The following CSMD3 variants were observed in gnomAD, a reference collection of about 807,000 sequenced individuals.
CSMD3 encodes CUB and Sushi multiple domains 3, also known as CUB and sushi domain-containing protein 3.
CSMD3 carries 177 observed loss-of-function variants against 435.2 expected under a neutral mutation model. That is an observed-to-expected ratio of 0.41 (90% CI 0.36 to 0.46). The LOEUF (loss-of-function observed/expected upper bound fraction) is 0.46. CSMD3 is among the 20% of genes least tolerant of loss of function. The probability of loss-of-function intolerance (pLI) is 0.34; values close to 1 mark genes in which losing one functional copy is unlikely to be tolerated. For missense variants in CSMD3, 4,265 were observed against 4,504.6 expected, an observed-to-expected ratio of 0.95 and a Z score of 1.52; for synonymous variants, 1,656 against 1,520.5, an observed-to-expected ratio of 1.09 and a Z score of -2.07.
intron 12 of CSMD3, among the ~76,000 whole-genome samples, chr8:112,813,250 G>T (rs2079278378): frequency 6.6e-6 from 1 of 152,166 alleles, no homozygotes; most frequent in African/African-American, 2.4e-5. Context: ...GGTAGCCAGA[G>T]TTAGATTATG....
chr8:112,683,057 G>T (rs981904720), intron 15 of CSMD3, among the ~76,000 whole-genome samples: 22 of 151,352 alleles, frequency 1.5e-4, no homozygotes, highest in African/African-American at 4.4e-4. Context: ...TTTCCAACTG[G>T]AAATAGAGAG....
intron 3 of CSMD3, among the ~76,000 whole-genome samples, chr8:113,253,399 C>T (rs1177599544): frequency 6.6e-6 from 1 of 152,050 alleles, no homozygotes; most frequent in African/African-American, 2.4e-5. Context: ...CCACGACAGG[C>T]CCCGGTGTGT....
chr8:112,966,019 A>G (rs1485014481), intron 7 of CSMD3, among the ~76,000 whole-genome samples: 1 of 151,822 alleles, frequency 6.6e-6, no homozygotes, highest in African/African-American at 2.4e-5. Flanking sequence ...AATTAGGGAA[A>G]GTCAAGAGAA....
chr8:113,271,491 GGGTGCAAGCCCCAAACCTT>G (rs1292466826), intron 3 of CSMD3, among the ~76,000 whole-genome samples: 1 of 152,196 alleles, frequency 6.6e-6, no homozygotes, highest in Non-Finnish European at 1.5e-5. Flanking sequence ...TGGTTTCAGA[GGGTGCAAGCCCCAAACCTT>G]GGCAGCTTAC....
chr8:113,114,435 G>A (rs1401421340), intron 4 of CSMD3, among the ~76,000 whole-genome samples: 1 of 152,164 alleles, frequency 6.6e-6, no homozygotes, highest in Non-Finnish European at 1.5e-5. Flanking sequence ...AATTTAGTGT[G>A]TCTTGCTATT....
At chr8:113,338,796 T>C (rs1459565639) in intron 1 of CSMD3, among the ~76,000 whole-genome samples, 1 of 151,952 alleles carries the variant, frequency 6.6e-6, no homozygotes, top group Non-Finnish European at 1.5e-5. Context: ...TTAAACTAGA[T>C]CATATTGATG....
intron 4 of CSMD3, among the ~76,000 whole-genome samples, chr8:113,151,447 AAAT>A (rs1203414569): frequency 1.4e-4 from 22 of 152,100 alleles, no homozygotes; most frequent in Non-Finnish European, 1.3e-4. Flanking sequence ...GCACTGTATT[AAAT>A]AATAATAACA....
At chr8:112,920,223 G>A (rs2082694474) in intron 10 of CSMD3, among the ~76,000 whole-genome samples, 1 of 151,830 alleles carries the variant, frequency 6.6e-6, no homozygotes, top group East Asian at 1.9e-4. Flanking sequence ...ATAAAGGAGG[G>A]GGGAAAGATT....
intron 30 of CSMD3, among the ~76,000 whole-genome samples, chr8:112,495,659 T>C (rs59437371): frequency 0.017 from 2,638 of 152,176 alleles, 79 homozygotes; most frequent in African/African-American, 0.06. Context: ...CTTAAAAAAA[T>C]GTCTAGGCAG....
intron 13 of CSMD3, among the ~76,000 whole-genome samples, chr8:112,786,328 A>G (rs1463199409): frequency 1.3e-5 from 2 of 152,046 alleles, no homozygotes; most frequent in East Asian, 3.9e-4. Flanking sequence ...ACTAAAAGGA[A>G]ACACTGGGGA....
At chr8:112,847,859 G>T (rs2129669239) in intron 11 of CSMD3, among the ~76,000 whole-genome samples, 1 of 152,224 alleles carries the variant, frequency 6.6e-6, no homozygotes, top group East Asian at 1.9e-4. Flanking sequence ...AGACTTTATG[G>T]GGAGGAAGAT....
chr8:112,385,553 T>A (rs1469562242), intron 36 of CSMD3, among the ~76,000 whole-genome samples: 1 of 48,536 alleles, frequency 2.1e-5, no homozygotes, highest in Non-Finnish European at 3.9e-5. Flanking sequence ...AAAGTAAAAG[T>A]GAAAGACAAT....
chr8:112,315,110 G>T (rs1209844051), intron 47 of CSMD3, among the ~76,000 whole-genome samples: 1 of 151,786 alleles, frequency 6.6e-6, no homozygotes, highest in Non-Finnish European at 1.5e-5. Flanking sequence ...CTGATATCAG[G>T]TATATGTTTA....
chr8:113,334,127 G>T (rs952985460), intron 1 of CSMD3, among the ~76,000 whole-genome samples: 1 of 151,738 alleles, frequency 6.6e-6, no homozygotes, highest in Non-Finnish European at 1.5e-5. Flanking sequence ...TAACCCAGTT[G>T]AACTCACTTA....
At chr8:113,380,153 T>C (rs535455113) in intron 1 of CSMD3, among the ~76,000 whole-genome samples, 1 of 152,338 alleles carries the variant, frequency 6.6e-6, no homozygotes, top group East Asian at 1.9e-4. Flanking sequence ...GGTTCCCTCA[T>C]TAATTAATGA....
chr8:112,548,430 A>G (rs1586657972), intron 27 of CSMD3, among the ~76,000 whole-genome samples: 1 of 152,142 alleles, frequency 6.6e-6, no homozygotes, highest in African/African-American at 2.4e-5. Flanking sequence ...TAATACTGTA[A>G]TAATAACTAC....
intron 60 of CSMD3, among the ~76,000 whole-genome samples, chr8:112,264,618 A>T (rs1311575379): frequency 6.6e-6 from 1 of 152,118 alleles, no homozygotes; most frequent in Non-Finnish European, 1.5e-5. Context: ...TCATTTACTA[A>T]CTGTATATTT....
At chr8:113,229,880 C>A (rs979721796) in intron 3 of CSMD3, among the ~76,000 whole-genome samples, 1 of 151,494 alleles carries the variant, frequency 6.6e-6, no homozygotes, top group Admixed American at 6.6e-5. Context: ...CCTGGTAATG[C>A]TTATTTTACT....
chr8:112,709,047 A>G (rs1324326077), intron 13 of CSMD3, among the ~76,000 whole-genome samples: 1 of 152,098 alleles, frequency 6.6e-6, no homozygotes, highest in African/African-American at 2.4e-5. Context: ...CCCTTGCTAC[A>G]GAAAGCTCTG....
Sources: allele counts gnomAD v4.1 joint callset (sites outside exome capture counted in the v4.1 genomes callset), GRCh38; gene constraint gnomAD v4.1.1; transcripts MANE v1.5; gene names NCBI Gene and HGNC (gene_info 2026-07-23, HGNC 2026-07-21).